The following ZNF793 variants were observed in gnomAD, a reference collection of about 807,000 sequenced individuals.
ZNF793 encodes zinc finger protein 793.
Under a neutral mutation model 12.4 loss-of-function variants are expected in ZNF793, and 5 were observed. The observed-to-expected ratio is 0.40, with a 90% CI of 0.21 to 0.84. The LOEUF (loss-of-function observed/expected upper bound fraction) is 0.84, where lower values mean the gene tolerates loss of function less well. Ranked by LOEUF, ZNF793 falls within the 40% of genes least tolerant of loss-of-function variation. ZNF793 has a pLI of 0.35. For missense variants in ZNF793, 456 were observed against 495.0 expected (o/e 0.92, Z 0.75); for synonymous variants, 162 against 172.4 (o/e 0.94, Z 0.47).
chr19:37,537,736 ACT>A lies in ZNF793; in HGVS notation c.1080_1081del (p.Thr362ArgfsTer9). ...QKSCLNKHWR[T>X]HTGEKPYGCN... is the part of the protein sequence containing the mutation. ...GTCATGCCTCAATAAACATTGGAGA[ACT>A]CACACAGGAGAGAAGCCCTATGGGT... On this transcript the variant is annotated frameshift_variant, in exon 8 of 8. Transcript: ENST00000627814. LOFTEE classifies it low-confidence loss of function (END_TRUNC). 3.7e-6 allele frequency: 6 copies of A among 1,614,038 alleles called. No individual in the cohort carries two copies. Among genetic ancestry groups the A allele is most frequent in the Non-Finnish European group, 5.1e-6 (6 of 1,179,982 alleles).
At chr19:37,516,523 C>T (rs2042333623) in intron 2 of ZNF793, among the ~76,000 whole-genome samples, 1 of 152,082 alleles carries the variant, frequency 6.6e-6, no homozygotes, top group Non-Finnish European at 1.5e-5. Context: ...ATGTTAGGGA[C>T]TGATAAGGGT....
chr19:37,533,218 A>C (rs776861514), intron 6 of ZNF793, 90 bp from the exon 7 acceptor site: 7 of 1,043,088 alleles, frequency 6.7e-6, no homozygotes, highest in Non-Finnish European at 1.0e-5. Context: ...TCCCAAGTAT[A>C]ACATCTATTG....
At position 37,537,766 on chromosome 19, in the gene ZNF793, A is replaced by C. The variant is rs1370431767; in HGVS notation, c.1108A>C (p.Asn370His). Residue 370 changes from asparagine (N) to histidine (H), a missense_variant, in exon 8 of 8, where the codon AAT (asparagine) becomes CAT (histidine). Coordinates refer to ENST00000627814, the MANE Select transcript of ZNF793 (RefSeq NM_001013659.3). ...THTGEKPYGC[N>H]ECGKAFYQKP... Reference sequence around the variant, plus strand: ...CACAGGAGAGAAGCCCTATGGGTGCAATGAATGTGGGAAAGCTTTCTACCA... The same window carrying C: ...CACAGGAGAGAAGCCCTATGGGTGCCATGAATGTGGGAAAGCTTTCTACCA... 1 of 1,614,048 alleles carries C rather than the reference A, an allele frequency of 6.2e-7. No homozygotes were observed. Among genetic ancestry groups the C allele is most frequent in the Non-Finnish European group, 8.5e-7 (1 of 1,180,002 alleles).
At chr19:37,522,797 T>G (rs889692190) in intron 4 of ZNF793, 150 bp downstream of exon 4, 2 of 152,290 alleles carry the variant, frequency 1.3e-5, no homozygotes, top group Non-Finnish European at 2.9e-5. Context: ...TGATGTCTTA[T>G]ATCTCATTAC....
chr19:37,523,573 C>G (rs2042391226), intron 5 of ZNF793, 119 bp downstream of exon 5: 2 of 937,950 alleles, frequency 2.1e-6, no homozygotes, highest in African/African-American at 1.6e-5. Flanking sequence ...CTCAGGGAAG[C>G]TGACTCATAG....
chr19:37,527,928 G>C (rs764760681), intron 5 of ZNF793, among the ~76,000 whole-genome samples: 10 of 151,694 alleles, frequency 6.6e-5, no homozygotes, highest in South Asian at 4.2e-4. Context: ...AGACCAGCCT[G>C]GACAACATGG....
Position 37,538,002 on chromosome 19 carries a change from C to G in ZNF793, c.*123C>G. 8.2e-7 allele frequency: 1 copy of G among 1,214,886 alleles called. No homozygotes were observed. The highest frequency in any genetic ancestry group is 1.1e-6 in the Non-Finnish European group (1 of 904,568). The allele number at this position is 1,214,886 out of a possible 1,614,324, so 75.3% of individuals were successfully genotyped here. A position where few individuals can be genotyped will look rare whatever the true frequency, so the allele number is the denominator to read the frequency against. On this transcript the variant is annotated 3_prime_UTR_variant, in exon 8 of 8. Transcript: ENST00000627814. ...TCTCGGCTTACTGCAAGCTCTGCCTCCCGGGTTCACGCCATTCTCCTGCCT... is the reference window on the plus strand; with the variant it reads ...TCTCGGCTTACTGCAAGCTCTGCCTGCCGGGTTCACGCCATTCTCCTGCCT...
chr19:37,514,575 C>T (rs201861545), intron 2 of ZNF793, among the ~76,000 whole-genome samples: 67 of 149,274 alleles, frequency 4.5e-4, no homozygotes, highest in Middle Eastern at 3.4e-3. Flanking sequence ...GATAGATAGA[C>T]AGATAGATAG....
Position 37,537,665 on chromosome 19 carries a change from A to G in ZNF793, c.1007A>G (p.Glu336Gly). The G allele has an allele frequency of 1.9e-6, 3 of 1,613,706 alleles. No individual in the cohort carries two copies. The highest frequency in any genetic ancestry group is 1.3e-5 in the African/African-American group (1 of 75,028). Residue 336 changes from glutamate (E) to glycine (G), a missense_variant, in exon 8 of 8, where the codon GAA (glutamate) becomes GGA (glycine). Physicochemically the swap from Glu to Gly is moderately conservative, Grantham distance 98 (BLOSUM62 -2). Coordinates refer to ENST00000627814, the MANE Select transcript of ZNF793 (RefSeq NM_001013659.3). ...LNVHRKMHTG[E>G]RPYRCRECGK... The stretch of plus-strand genomic sequence containing the variant: ...GTACATCGAAAAATGCACACAGGAG[A>G]AAGACCGTATCGTTGCAGAGAATGT...
Position 37,510,271 on chromosome 19 carries a change from G to A in ZNF793, c.-276+1868G>A, listed in dbSNP as rs541898737. On this transcript the variant is annotated intron_variant, in intron 2 of 7. Coordinates refer to ENST00000627814, the MANE Select transcript of ZNF793 (RefSeq NM_001013659.3). The stretch of plus-strand genomic sequence containing the variant: ...TGTAATCCCAGCACTTTGGGAGGCC[G>A]AGGCAGGTGGACCACTTGAGGTCAG... Among the ~76,000 whole-genome samples the A allele has an allele frequency of 4.6e-5, 7 of 151,702 alleles. 1 individual carries two copies. The highest frequency in any genetic ancestry group is 2.1e-4 in the South Asian group (1 of 4,806).
At chr19:37,523,926 C>CGG (rs2042393725) in intron 5 of ZNF793, among the ~76,000 whole-genome samples, 1 of 151,970 alleles carries the variant, frequency 6.6e-6, no homozygotes, top group Non-Finnish European at 1.5e-5. Context: ...AAGGCAGTTG[C>CGG]ATAACCTGAG....
At chr19:37,510,695 T>A (rs2042287196) in intron 2 of ZNF793, among the ~76,000 whole-genome samples, 1 of 149,030 alleles carries the variant, frequency 6.7e-6, no homozygotes, top group Non-Finnish European at 1.5e-5. Flanking sequence ...AAAAAAAAAA[T>A]TCTTTTCTTT....
At chr19:37,515,194 G>A (rs186114523) in intron 2 of ZNF793, among the ~76,000 whole-genome samples, 1 of 152,264 alleles carries the variant, frequency 6.6e-6, no homozygotes, top group East Asian at 1.9e-4. Context: ...TGAAATAATT[G>A]TCTATCCCAA....
rs2042541958 is a variant in ZNF793, at chr19:37,540,122, CG to C, written c.*2246del. 1 of 151,570 alleles carries C rather than the reference CG, an allele frequency of 6.6e-6. No individual in the cohort carries two copies. Among genetic ancestry groups the C allele is most frequent in the African/African-American group, 2.4e-5 (1 of 41,272 alleles). The allele number at this position is 151,570 out of a possible 1,614,324, so 9.4% of individuals were successfully genotyped here. A position where few individuals can be genotyped will look rare whatever the true frequency, so the allele number is the denominator to read the frequency against. On this transcript the variant is annotated 3_prime_UTR_variant, in exon 8 of 8. Coordinates refer to ENST00000627814, the MANE Select transcript of ZNF793 (RefSeq NM_001013659.3). ...CTCTACTAAAAATACAAAAATTAGC[CG>C]GGTGTGGTGGCACACACCTGTAGTC...
At chr19:37,532,846 G>A (rs886147008) in intron 6 of ZNF793, among the ~76,000 whole-genome samples, 6 of 151,938 alleles carry the variant, frequency 3.9e-5, no homozygotes, top group East Asian at 1.9e-4. Context: ...AAAAAGCAAC[G>A]GAAGTACTCT....
chr19:37,525,437 C>CAATAGG (rs1555709814), intron 5 of ZNF793, among the ~76,000 whole-genome samples: 1 of 119,656 alleles, frequency 8.4e-6, no homozygotes, highest in African/African-American at 3.2e-5. Context: ...CGTGCCTGGC[C>CAATAGG]TTTTTTTTTT....
intron 4 of ZNF793, 51 bp from the exon 5 acceptor site, chr19:37,523,359 T>C: frequency 7.0e-7 from 1 of 1,427,532 alleles, no homozygotes. Context: ...CTCTTTACAC[T>C]CTGTTCTCTG....
At chr19:37,517,252 C>A (rs1479402257) in intron 2 of ZNF793, among the ~76,000 whole-genome samples, 1 of 151,982 alleles carries the variant, frequency 6.6e-6, no homozygotes, top group African/African-American at 2.4e-5. Flanking sequence ...CATATGTATC[C>A]AATTACTGTT....
chr19:37,514,416 C>T (rs1415418545), intron 2 of ZNF793, among the ~76,000 whole-genome samples: 1 of 152,010 alleles, frequency 6.6e-6, no homozygotes, highest in Non-Finnish European at 1.5e-5. Flanking sequence ...ATTATCTGGG[C>T]GTGGTCTTGT....
Sources: allele counts gnomAD v4.1 joint callset (sites outside exome capture counted in the v4.1 genomes callset), GRCh38; gene constraint gnomAD v4.1.1; transcripts MANE v1.5; gene names NCBI Gene and HGNC (gene_info 2026-07-23, HGNC 2026-07-21).